The following MICU1 variants were observed in gnomAD, a reference collection of about 807,000 sequenced individuals.
The protein encoded by MICU1 is mitochondrial calcium uptake 1.
MICU1 carries 45 observed loss-of-function variants against 56.8 expected under a neutral mutation model. The observed-to-expected ratio is 0.79, with a 90% confidence interval of 0.62 to 1.02. MICU1 has a LOEUF of 1.02. Among genes scored for constraint, MICU1 ranks in the 50% least tolerant of loss-of-function variants. The pLI is 0.00. For missense variants in MICU1, 504 were observed against 587.1 expected (o/e 0.86, Z 1.46); for synonymous variants, 186 against 195.1 (o/e 0.95, Z 0.39).
intron 6 of MICU1, among the ~76,000 whole-genome samples, chr10:72,496,608 C>T (rs1004328751): frequency 6.6e-6 from 1 of 151,928 alleles, no homozygotes; most frequent in Non-Finnish European, 1.5e-5. Flanking sequence ...GACTGCCCAG[C>T]TAATTTTTGT....
chr10:72,519,159 C>T (rs893696739), intron 5 of MICU1, among the ~76,000 whole-genome samples: 1 of 152,212 alleles, frequency 6.6e-6, no homozygotes, highest in Admixed American at 6.6e-5. Flanking sequence ...ATTCAATTTA[C>T]TGACCAATGT....
chr10:72,495,849 C>T (rs1866823527), intron 6 of MICU1, among the ~76,000 whole-genome samples: 1 of 151,924 alleles, frequency 6.6e-6, no homozygotes, highest in East Asian at 1.9e-4. Flanking sequence ...ATCATGTATA[C>T]ATACATAGAA....
intron 8 of MICU1, among the ~76,000 whole-genome samples, chr10:72,429,068 A>G (rs1176421455): frequency 6.6e-6 from 1 of 152,304 alleles, no homozygotes; most frequent in Middle Eastern, 3.4e-3. Flanking sequence ...GTTGTTGTAA[A>G]GATTAAATGG....
chr10:72,517,227 C>T (rs1867674454), intron 5 of MICU1, among the ~76,000 whole-genome samples: 1 of 152,100 alleles, frequency 6.6e-6, no homozygotes, highest in Admixed American at 6.5e-5. Context: ...TGTTTTAAAA[C>T]CAAAGACCTG....
intron 1 of MICU1, among the ~76,000 whole-genome samples, chr10:72,567,186 C>CA (rs968243398): frequency 6.6e-6 from 1 of 151,448 alleles, no homozygotes; most frequent in Non-Finnish European, 1.5e-5. Flanking sequence ...CCATCTCTAC[C>CA]AAAAAAAATC....
intron 10 of MICU1, among the ~76,000 whole-genome samples, chr10:72,386,402 G>C (rs916476289): frequency 2.0e-4 from 31 of 152,062 alleles, no homozygotes; most frequent in African/African-American, 7.2e-4. Context: ...GGCTCGTCTT[G>C]AACTCCTGAC....
chr10:72,554,089 G>T (rs1323123021), intron 3 of MICU1, among the ~76,000 whole-genome samples: 1 of 152,252 alleles, frequency 6.6e-6, no homozygotes, highest in Admixed American at 6.5e-5. Context: ...CAATAACACT[G>T]CTAGACTTAA....
At chr10:72,407,069 C>CA (rs972634904) in intron 10 of MICU1, among the ~76,000 whole-genome samples, 1 of 152,082 alleles carries the variant, frequency 6.6e-6, no homozygotes, top group Non-Finnish European at 1.5e-5. Flanking sequence ...CTAGAAAAAG[C>CA]AAAATTAATC....
chr10:72,494,856 AC>A (rs994630285), intron 6 of MICU1, among the ~76,000 whole-genome samples: 4 of 150,868 alleles, frequency 2.7e-5, no homozygotes, highest in South Asian at 4.2e-4. Flanking sequence ...AAAAAAAAAA[AC>A]AAAACAAAAA....
At chr10:72,565,078 C>T (rs1055263155) in intron 2 of MICU1, among the ~76,000 whole-genome samples, 1 of 148,398 alleles carries the variant, frequency 6.7e-6, no homozygotes, top group South Asian at 2.1e-4. Flanking sequence ...CCCAGGAGTT[C>T]AAGACCAGCT....
At chr10:72,435,037 G>A (rs1864661605) in intron 8 of MICU1, among the ~76,000 whole-genome samples, 1 of 149,720 alleles carries the variant, frequency 6.7e-6, no homozygotes, top group South Asian at 2.1e-4. Flanking sequence ...TTTGGGCTTA[G>A]TAATCCATAG....
chr10:72,416,884 G>A (rs1346476869), intron 9 of MICU1, among the ~76,000 whole-genome samples: 1 of 152,088 alleles, frequency 6.6e-6, no homozygotes, highest in Non-Finnish European at 1.5e-5. Context: ...CCATACAGAG[G>A]ACATGCAAAG....
Position 72,551,291 on chromosome 10 carries a change from G to T in MICU1, c.381C>A (p.Ile127=), listed in dbSNP as rs919825446. 1 of 1,613,280 alleles carries T rather than the reference G, an allele frequency of 6.2e-7. No homozygotes were observed. ...CTTTCAAGGTGGCAAAATATCGGAA[G>T]ATTTTGTCTGGCGTGGAGTAGGCTC... The part of the protein sequence containing the change: ...RIRAYSTPDK[I]FRYFATLKVI... The change falls in exon 4 of 12, where the codon ATC becomes ATA. Residue 127 remains isoleucine, a synonymous_variant. Coordinates refer to ENST00000361114, the MANE Select transcript of MICU1 (RefSeq NM_001195518.2).
At chr10:72,551,390 T>C in intron 3 of MICU1, 49 bp from the exon 4 acceptor site, 2 of 1,339,826 alleles carry the variant, frequency 1.5e-6, no homozygotes, top group Non-Finnish European at 1.0e-6. Context: ...AATGCTCATA[T>C]GCTCATATAT....
At chr10:72,564,202 C>G (rs1198906202) in intron 2 of MICU1, among the ~76,000 whole-genome samples, 1 of 152,080 alleles carries the variant, frequency 6.6e-6, no homozygotes, top group African/African-American at 2.4e-5. Context: ...CAAAATATAT[C>G]AAATGACTGC....
intron 5 of MICU1, among the ~76,000 whole-genome samples, chr10:72,520,189 G>T (rs1589302772): frequency 6.6e-6 from 1 of 152,104 alleles, no homozygotes; most frequent in Non-Finnish European, 1.5e-5. Flanking sequence ...ATGCGGTGGG[G>T]TGTTAGAAAG....
intron 6 of MICU1, among the ~76,000 whole-genome samples, chr10:72,483,043 A>G (rs1866354796): frequency 6.6e-6 from 1 of 151,716 alleles, no homozygotes; most frequent in Non-Finnish European, 1.5e-5. Flanking sequence ...TTTAGTAGAG[A>G]CGGGGTTTCA....
intron 4 of MICU1, among the ~76,000 whole-genome samples, chr10:72,541,058 T>C (rs752690152): frequency 3.3e-5 from 5 of 152,220 alleles, no homozygotes; most frequent in Non-Finnish European, 7.3e-5. Context: ...CAGATGAAAG[T>C]GCCTTTGCAA....
chr10:72,532,976 C>T (rs1037503015), intron 5 of MICU1: 2 of 1,279,878 alleles, frequency 1.6e-6, no homozygotes, highest in African/African-American at 3.1e-5. Flanking sequence ...CCCATCTAGA[C>T]CCTCTTTTGT....
Sources: gnomAD v4.1 joint callset for allele counts (sites outside exome capture counted in the v4.1 genomes callset) on GRCh38, gnomAD v4.1.1 for gene constraint, MANE v1.5 for transcripts, NCBI Gene and HGNC (gene_info 2026-07-23, HGNC 2026-07-21) for gene names.